The following XNDC1N variants were observed in gnomAD, a reference collection of about 807,000 sequenced individuals.
XNDC1N encodes protein XNDC1N.
the XNDC1N span, among the ~76,000 whole-genome samples, chr11:71,920,438 G>A: frequency 6.6e-6 from 1 of 152,060 alleles, no homozygotes; most frequent in African/African-American, 2.4e-5. Flanking sequence ...TTCCTGAGTA[G>A]CTAGAATTAC....
chr11:71,908,509 C>T, the XNDC1N span, among the ~76,000 whole-genome samples: 1 of 152,038 alleles, frequency 6.6e-6, no homozygotes, highest in African/African-American at 2.4e-5. Flanking sequence ...CTCAACAGCT[C>T]GTTTACAACC....
At chr11:71,886,051 T>A in the XNDC1N span, among the ~76,000 whole-genome samples, 7 of 152,066 alleles carry the variant, frequency 4.6e-5, no homozygotes, top group Admixed American at 4.6e-4. Context: ...CCTCGGCAGC[T>A]CGTTTACGAC....
the XNDC1N span, chr11:71,903,291 T>C: frequency 2.9e-6 from 4 of 1,368,818 alleles, no homozygotes; most frequent in South Asian, 2.3e-5. Context: ...TTCCTGTCCA[T>C]GTGCCTGGTC....
chr11:71,908,476 G>A, the XNDC1N span, among the ~76,000 whole-genome samples: 1 of 151,812 alleles, frequency 6.6e-6, no homozygotes, highest in Non-Finnish European at 1.5e-5. Flanking sequence ...GCAGTAAGTC[G>A]CATTGCGCCA....
At chr11:71,888,150 G>A in the XNDC1N span, among the ~76,000 whole-genome samples, 11 of 152,128 alleles carry the variant, frequency 7.2e-5, no homozygotes, top group South Asian at 2.1e-4. Context: ...GCCCTACACC[G>A]GCACCTGGAG....
chr11:71,871,337 T>C, the XNDC1N span, among the ~76,000 whole-genome samples: 1 of 152,112 alleles, frequency 6.6e-6, no homozygotes, highest in African/African-American at 2.4e-5. Flanking sequence ...CAAACTCAAA[T>C]AAGCAGAGAG....
At chr11:71,928,567 C>G in the XNDC1N span, 5 of 702,466 alleles carry the variant, frequency 7.1e-6, no homozygotes, top group Admixed American at 4.0e-5. Context: ...ATGGCAGGTG[C>G]TGCAGCCAGG....
the XNDC1N span, among the ~76,000 whole-genome samples, chr11:71,904,926 G>C: frequency 6.6e-6 from 1 of 151,802 alleles, no homozygotes; most frequent in Non-Finnish European, 1.5e-5. Flanking sequence ...AGGACATTAC[G>C]AATAATATCA....
chr11:71,913,665 T>TAAAAAAAA, the XNDC1N span, among the ~76,000 whole-genome samples: 599 of 104,952 alleles, frequency 5.7e-3, no homozygotes, highest in Middle Eastern at 0.01. Flanking sequence ...TCTCAAAAGA[T>TAAAAAAAA]AAAAAAAAAA....
At chr11:71,887,681 C>T in the XNDC1N span, among the ~76,000 whole-genome samples, 2 of 152,198 alleles carry the variant, frequency 1.3e-5, no homozygotes, top group South Asian at 4.1e-4. Flanking sequence ...AATTATTGTT[C>T]CTTGTCGGTC....
the XNDC1N span, chr11:71,918,780 A>G: frequency 1.6e-6 from 1 of 642,808 alleles, no homozygotes; most frequent in African/African-American, 1.8e-5. Context: ...CTTATTCCAT[A>G]AAGGCTGCTC....
At chr11:71,892,841 A>G in the XNDC1N span, among the ~76,000 whole-genome samples, 2 of 152,150 alleles carry the variant, frequency 1.3e-5, no homozygotes, top group Non-Finnish European at 2.9e-5. Flanking sequence ...GATTCAATTC[A>G]TTTGGAAACA....
chr11:71,867,652 G>A, the XNDC1N span, among the ~76,000 whole-genome samples: 1,491 of 152,324 alleles, frequency 9.8e-3, 13 homozygotes, highest in African/African-American at 0.034. Flanking sequence ...TGGTCAGAGA[G>A]TGTGGTTGGT....
the XNDC1N span, among the ~76,000 whole-genome samples, chr11:71,880,217 T>G: frequency 6.6e-6 from 1 of 152,272 alleles, no homozygotes; most frequent in South Asian, 2.1e-4. Flanking sequence ...TATTATAAAG[T>G]ATTGGTGGAT....
the XNDC1N span, among the ~76,000 whole-genome samples, chr11:71,899,800 C>T: frequency 5.9e-5 from 9 of 152,250 alleles, no homozygotes; most frequent in African/African-American, 2.2e-4. Flanking sequence ...GCCCGACACC[C>T]GTAAAGGGTC....
the XNDC1N span, among the ~76,000 whole-genome samples, chr11:71,905,875 A>G: frequency 2.6e-5 from 4 of 152,062 alleles, no homozygotes; most frequent in Admixed American, 2.0e-4. Context: ...ATGTATGTAC[A>G]CCCACTGTGA....
At chr11:71,892,942 T>C in the XNDC1N span, among the ~76,000 whole-genome samples, 2 of 150,482 alleles carry the variant, frequency 1.3e-5, no homozygotes, top group African/African-American at 5.0e-5. Context: ...GTAATTGGCA[T>C]GGGAAAAACT....
chr11:71,905,154 C>A, the XNDC1N span, among the ~76,000 whole-genome samples: 19 of 151,960 alleles, frequency 1.3e-4, no homozygotes, highest in African/African-American at 4.6e-4. Context: ...AATGTGTACA[C>A]CATGTGTGTA....
At chr11:71,889,203 T>G in the XNDC1N span, among the ~76,000 whole-genome samples, 11,056 of 152,216 alleles carry the variant, frequency 0.073, 651 homozygotes, top group African/African-American at 0.16. Flanking sequence ...CCCTTCAAGT[T>G]CATGGAGCGT....
Sources: allele counts gnomAD v4.1 joint callset (sites outside exome capture counted in the v4.1 genomes callset), GRCh38; gene constraint gnomAD v4.1.1; transcripts MANE v1.5; gene names NCBI Gene and HGNC (gene_info 2026-07-23, HGNC 2026-07-21).